SIPA1L3: variants seen among roughly 807,000 people sequenced by gnomAD.
SIPA1L3 encodes signal-induced proliferation-associated 1-like protein 3.
Under a neutral mutation model 150.1 loss-of-function variants are expected in SIPA1L3, and 59 were observed. That is an observed-to-expected ratio of 0.39 (90% CI 0.32 to 0.49). The LOEUF is 0.49. SIPA1L3 is among the 20% of genes least tolerant of loss of function. The pLI is 0.86. For synonymous variants in SIPA1L3, 1,070 were observed against 1,077.6 expected, an observed-to-expected ratio of 0.99 and a Z score of 0.14; for missense variants, 2,211 against 2,489.5, an observed-to-expected ratio of 0.89 and a Z score of 2.38.
intron 1 of SIPA1L3, among the ~76,000 whole-genome samples, chr19:37,968,644 G>T (rs145182361): frequency 2.3e-3 from 354 of 152,318 alleles, no homozygotes; most frequent in African/African-American, 8.2e-3. Flanking sequence ...TTGAGCCAGA[G>T]CTCAAATAAT....
chr19:38,183,004 G>T (rs1600182475), intron 16 of SIPA1L3: 1 of 421,914 alleles, frequency 2.4e-6, no homozygotes, highest in Non-Finnish European at 4.2e-6. Flanking sequence ...CCATATCCGG[G>T]TGTGGAACAT....
chr19:37,956,258 A>T (rs2046809710), intron 1 of SIPA1L3, among the ~76,000 whole-genome samples: 5 of 152,128 alleles, frequency 3.3e-5, no homozygotes, highest in Admixed American at 3.3e-4. Flanking sequence ...GTCTCTGATG[A>T]CTAATGCTGT....
In SIPA1L3 at chr19:38,101,319, A is replaced by G. The variant is rs1970498040; in HGVS notation, c.2029+93A>G. The G allele has an allele frequency of 3.3e-6, 3 of 919,206 alleles. No homozygotes were observed. In the Admixed American group the frequency reaches 1.1e-4, roughly 33 times the overall value. 56.9% of individuals were successfully genotyped at this position (919,206 alleles called of 1,614,324 possible). A position where few individuals can be genotyped will look rare whatever the true frequency, so the allele number is the denominator to read the frequency against. ...AAGGCCTGGGGATGCCACGGTGGGGACGTGGAGCAGTGGGAGCTCTCAGAC... is the reference window on the plus strand; with the variant it reads ...AAGGCCTGGGGATGCCACGGTGGGGGCGTGGAGCAGTGGGAGCTCTCAGAC... On this transcript the variant is annotated intron_variant, in intron 6 of 21. Transcript: ENST00000222345.
At chr19:37,985,196 T>C (rs914608197) in intron 1 of SIPA1L3, among the ~76,000 whole-genome samples, 2 of 151,442 alleles carry the variant, frequency 1.3e-5, no homozygotes, top group Non-Finnish European at 2.9e-5. Flanking sequence ...AATTGTTTTT[T>C]TCTTTTTTTT....
intron 6 of SIPA1L3, 105 bp from the exon 7 acceptor site, chr19:38,106,431 AT>A (rs1448916141): frequency 7.5e-6 from 6 of 796,094 alleles, no homozygotes; most frequent in Non-Finnish European, 1.4e-5. Flanking sequence ...TTAAGAGTAG[AT>A]TGAAGTGAAA....
intron 1 of SIPA1L3, among the ~76,000 whole-genome samples, chr19:37,936,067 T>C (rs1358734050): frequency 1.3e-5 from 2 of 152,130 alleles, no homozygotes; most frequent in African/African-American, 2.4e-5. Context: ...CAGCCTGATA[T>C]CCTTGTGATG....
chr19:38,170,777 A>AT (rs1972311115), intron 15 of SIPA1L3, among the ~76,000 whole-genome samples: 3 of 152,112 alleles, frequency 2.0e-5, no homozygotes, highest in Non-Finnish European at 2.9e-5. Flanking sequence ...GGAGGTGTCT[A>AT]ATCTAGCCTA....
chr19:37,923,814 C>T (rs1001612594), intron 1 of SIPA1L3, among the ~76,000 whole-genome samples: 2 of 151,476 alleles, frequency 1.3e-5, no homozygotes, highest in Admixed American at 1.3e-4. Flanking sequence ...GGCTGGAGTG[C>T]AGTGGCACGA....
intron 15 of SIPA1L3, among the ~76,000 whole-genome samples, chr19:38,165,989 C>G (rs912724726): frequency 1.3e-5 from 2 of 152,096 alleles, no homozygotes; most frequent in African/African-American, 4.8e-5. Flanking sequence ...TCTCAAACTC[C>G]TGACCTAAAG....
intron 10 of SIPA1L3, among the ~76,000 whole-genome samples, chr19:38,139,091 G>T (rs1317433238): frequency 2.6e-5 from 4 of 151,572 alleles, no homozygotes; most frequent in Non-Finnish European, 5.9e-5. Context: ...AGCTACTCAG[G>T]AGGCTAAGGC....
chr19:37,985,117 G>C (rs1343235990), intron 1 of SIPA1L3, among the ~76,000 whole-genome samples: 1 of 152,160 alleles, frequency 6.6e-6, no homozygotes, highest in Non-Finnish European at 1.5e-5. Context: ...GGAGGCCAAG[G>C]CAGGAGGATC....
chr19:37,968,088 T>TCTTTCTTTC (rs56758408), intron 1 of SIPA1L3, among the ~76,000 whole-genome samples: 8 of 151,588 alleles, frequency 5.3e-5, no homozygotes, highest in African/African-American at 9.7e-5. Context: ...TTTCTTTCTT[T>TCTTTCTTTC]TTTTGAGACA....
At chr19:38,062,107 G>T (rs1475911840) in intron 2 of SIPA1L3, among the ~76,000 whole-genome samples, 1 of 151,896 alleles carries the variant, frequency 6.6e-6, no homozygotes, top group African/African-American at 2.4e-5. Flanking sequence ...GTGCCCTATG[G>T]GGATCATCTT....
At chr19:38,111,928 CACACAT>C (rs748247332) in intron 8 of SIPA1L3, among the ~76,000 whole-genome samples, 12 of 152,032 alleles carry the variant, frequency 7.9e-5, no homozygotes, top group Non-Finnish European at 1.8e-4. Context: ...CGCATCCGTG[CACACAT>C]GCACATGCAC....
chr19:38,177,337 G>GGT (rs1250794506), intron 15 of SIPA1L3, among the ~76,000 whole-genome samples: 2 of 149,568 alleles, frequency 1.3e-5, no homozygotes, highest in African/African-American at 5.0e-5. Context: ...CTCCAGCCTG[G>GGT]GTGACAGAGC....
chr19:38,191,272 C>A (rs903410539), intron 16 of SIPA1L3, among the ~76,000 whole-genome samples: 2 of 151,712 alleles, frequency 1.3e-5, no homozygotes, highest in Non-Finnish European at 2.9e-5. Context: ...TAGTGGCATG[C>A]GCCTGTAGTC....
At chr19:37,982,277 G>C (rs1243369133) in intron 1 of SIPA1L3, among the ~76,000 whole-genome samples, 1 of 152,204 alleles carries the variant, frequency 6.6e-6, no homozygotes, top group African/African-American at 2.4e-5. Context: ...CTGCTTGTCT[G>C]ATTGCCTGGT....
chr19:37,985,198 CTTT>C (rs1043071375), intron 1 of SIPA1L3, among the ~76,000 whole-genome samples: 10 of 141,220 alleles, frequency 7.1e-5, no homozygotes, highest in Non-Finnish European at 4.7e-5. Flanking sequence ...TTGTTTTTTT[CTTT>C]TTTTTTTTTT....
intron 15 of SIPA1L3, chr19:38,173,811 G>C (rs1046415737): frequency 2.0e-5 from 3 of 152,534 alleles, no homozygotes; most frequent in Non-Finnish European, 4.4e-5. Context: ...GAACTCAAGG[G>C]AGTGCGGAAG....
Sources: gnomAD v4.1 joint callset for allele counts (sites outside exome capture counted in the v4.1 genomes callset) on GRCh38, gnomAD v4.1.1 for gene constraint, MANE v1.5 for transcripts, NCBI Gene and HGNC (gene_info 2026-07-23, HGNC 2026-07-21) for gene names.